SH3BP5: variants seen among roughly 807,000 people sequenced by gnomAD.
SH3BP5 encodes SH3 domain-binding protein 5.
A neutral mutation model predicts 43.3 loss-of-function variants in SH3BP5; 22 were observed. The ratio of observed to expected loss-of-function variants is 0.51; its 90% CI spans 0.36 to 0.73. The LOEUF (loss-of-function observed/expected upper bound fraction) is 0.73, where lower values mean the gene tolerates loss of function less well. Ranked by LOEUF, SH3BP5 falls within the 30% of genes least tolerant of loss-of-function variation. The probability of loss-of-function intolerance (pLI) is 0.00; values close to 1 mark genes in which losing one functional copy is unlikely to be tolerated. For synonymous variants in SH3BP5, 255 were observed against 225.8 expected, an observed-to-expected ratio of 1.13 and a Z score of -1.16; for missense variants, 529 against 586.9, an observed-to-expected ratio of 0.90 and a Z score of 1.02.
chr3:15,278,270 C>A (rs931731978), intron 3 of SH3BP5, among the ~76,000 whole-genome samples: 1 of 152,220 alleles, frequency 6.6e-6, no homozygotes, highest in East Asian at 1.9e-4. Flanking sequence ...CCAACCCAAC[C>A]GAGGAAGATC....
At chr3:15,295,353 C>T (rs1000644723) in intron 3 of SH3BP5, among the ~76,000 whole-genome samples, 4 of 152,310 alleles carry the variant, frequency 2.6e-5, no homozygotes, top group Non-Finnish European at 2.9e-5. Flanking sequence ...CTGATACATA[C>T]GTTTCTAGCT....
At chr3:15,266,878 G>A (rs557996944) in intron 4 of SH3BP5, among the ~76,000 whole-genome samples, 106 of 152,370 alleles carry the variant, frequency 7.0e-4, no homozygotes, top group South Asian at 1.4e-3. Flanking sequence ...GTGAGGGGCC[G>A]CATAGATAAT....
At chr3:15,297,581 G>A (rs1235118696) in intron 3 of SH3BP5, among the ~76,000 whole-genome samples, 2 of 152,106 alleles carry the variant, frequency 1.3e-5, no homozygotes, top group African/African-American at 2.4e-5. Context: ...CCCAATTCTT[G>A]AATTTGGACT....
intron 2 of SH3BP5, among the ~76,000 whole-genome samples, chr3:15,306,315 C>T (rs1015423158): frequency 9.2e-5 from 14 of 152,180 alleles, no homozygotes; most frequent in Admixed American, 9.2e-4. Flanking sequence ...GCTAAGATCG[C>T]GCCACTGCAC....
intron 3 of SH3BP5, among the ~76,000 whole-genome samples, chr3:15,286,499 T>A (rs1366677738): frequency 2.0e-5 from 3 of 152,240 alleles, no homozygotes; most frequent in Non-Finnish European, 4.4e-5. Flanking sequence ...AGGGTTGAAA[T>A]GACTACACCT....
At chr3:15,291,853 T>C (rs1697421518) in intron 3 of SH3BP5, among the ~76,000 whole-genome samples, 1 of 152,116 alleles carries the variant, frequency 6.6e-6, no homozygotes, top group Non-Finnish European at 1.5e-5. Context: ...GCATGAATAA[T>C]TTCATCAGAT....
chr3:15,279,042 CA>C (rs1697048032), intron 3 of SH3BP5, among the ~76,000 whole-genome samples: 1 of 152,062 alleles, frequency 6.6e-6, no homozygotes, highest in Non-Finnish European at 1.5e-5. Context: ...TGGTGGCAGG[CA>C]CCTATAATCC....
At chr3:15,261,736 G>A (rs1408095327) in intron 5 of SH3BP5, among the ~76,000 whole-genome samples, 1 of 151,696 alleles carries the variant, frequency 6.6e-6, no homozygotes, top group African/African-American at 2.4e-5. Context: ...CAGTCTTACA[G>A]CATTTTATCA....
At chr3:15,270,994 C>CA (rs376165781) in intron 3 of SH3BP5, among the ~76,000 whole-genome samples, 71 of 131,690 alleles carry the variant, frequency 5.4e-4, no homozygotes, top group African/African-American at 1.0e-3. Context: ...AGACTTAGTA[C>CA]AAAAAAAAAA....
intron 3 of SH3BP5, among the ~76,000 whole-genome samples, chr3:15,292,489 C>A (rs368743719): frequency 1.3e-5 from 2 of 152,196 alleles, no homozygotes; most frequent in African/African-American, 4.8e-5. Context: ...CAGTCCCCCA[C>A]GCGGACTTCC....
chr3:15,279,594 G>A (rs796463116), intron 3 of SH3BP5, among the ~76,000 whole-genome samples: 1 of 152,080 alleles, frequency 6.6e-6, no homozygotes, highest in African/African-American at 2.4e-5. Flanking sequence ...TGGGGGTGGG[G>A]GTAAAGATGA....
intron 2 of SH3BP5, among the ~76,000 whole-genome samples, chr3:15,311,049 A>T (rs1172934303): frequency 6.6e-6 from 1 of 152,190 alleles, no homozygotes; most frequent in Non-Finnish European, 1.5e-5. Flanking sequence ...TCCTCTTCAC[A>T]GGTGTCCCCA....
At chr3:15,336,617 T>C (rs906809181), upstream of SH3BP5, among the ~76,000 whole-genome samples, 1 of 152,132 alleles carries the variant, frequency 6.6e-6, no homozygotes, top group African/African-American at 2.4e-5. Context: ...GTGAAAGAGC[T>C]TGCAGGGACA....
chr3:15,323,851 G>A (rs1698394800), intron 2 of SH3BP5, among the ~76,000 whole-genome samples: 1 of 152,192 alleles, frequency 6.6e-6, no homozygotes, highest in Non-Finnish European at 1.5e-5. Flanking sequence ...AGGCGGTCTG[G>A]CTCCAGAGGC....
At chr3:15,292,028 G>A (rs536766615) in intron 3 of SH3BP5, among the ~76,000 whole-genome samples, 6 of 152,236 alleles carry the variant, frequency 3.9e-5, no homozygotes, top group African/African-American at 1.4e-4. Context: ...ACATAAAAAG[G>A]CCAGCCTGTG....
intron 2 of SH3BP5, among the ~76,000 whole-genome samples, chr3:15,329,463 T>C (rs1381928561): frequency 6.6e-6 from 1 of 152,184 alleles, no homozygotes; most frequent in Admixed American, 6.5e-5. Context: ...ATACCTACGA[T>C]GGAAATGGAG....
Position 15,256,500 on chromosome 3 carries a change from T to C in SH3BP5, c.1151-197A>G, listed in dbSNP as rs185113922. On this transcript the variant is annotated intron_variant, in intron 8 of 8. Transcript: ENST00000383791. ...GAGAGGTTCTCAGTACATAATCATTTACTGCTTTTATTCCTTGTGATGTTT... is the reference window on the plus strand; with the variant it reads ...GAGAGGTTCTCAGTACATAATCATTCACTGCTTTTATTCCTTGTGATGTTT... The C allele has an allele frequency of 6.3e-6, 4 of 634,444 alleles. No homozygotes were observed. In the African/African-American group the frequency reaches 7.3e-5, roughly 12 times the overall value. The allele number at this position is 634,444 out of a possible 1,614,324, so 39.3% of individuals were successfully genotyped here.
At chr3:15,320,363 T>G (rs1480880861) in intron 2 of SH3BP5, among the ~76,000 whole-genome samples, 1 of 152,128 alleles carries the variant, frequency 6.6e-6, no homozygotes, top group Non-Finnish European at 1.5e-5. Flanking sequence ...ACAAAATTTT[T>G]TCCATCTTCC....
At chr3:15,304,018 C>T in intron 3 of SH3BP5, 85 bp downstream of exon 3, 1 of 1,136,536 alleles carries the variant, frequency 8.8e-7, no homozygotes, top group Admixed American at 1.7e-5. Context: ...TTCTAACCTT[C>T]AGCAGGTGAT....
Sources: gnomAD v4.1 joint callset for allele counts (sites outside exome capture counted in the v4.1 genomes callset) on GRCh38, gnomAD v4.1.1 for gene constraint, MANE v1.5 for transcripts, NCBI Gene and HGNC (gene_info 2026-07-23, HGNC 2026-07-21) for gene names.